PACRG: variants seen among roughly 807,000 people sequenced by gnomAD.
PACRG encodes the protein parkin coregulated.
A neutral mutation model predicts 29.7 loss-of-function variants in PACRG; 29 were observed. The observed-to-expected ratio is 0.98, with a 90% confidence interval of 0.73 to 1.33. PACRG has a LOEUF of 1.33. PACRG is among the 40% of genes most tolerant of loss of function. The pLI, the probability that PACRG is intolerant of heterozygous loss-of-function variation, is 0.00. For missense variants in PACRG, 279 were observed against 316.2 expected (o/e 0.88, Z 0.89); for synonymous variants, 116 against 118.7 (o/e 0.98, Z 0.15).
At chr6:163,001,933 A>G (rs1804628722) in intron 2 of PACRG, among the ~76,000 whole-genome samples, 1 of 152,238 alleles carries the variant, frequency 6.6e-6, no homozygotes, top group Non-Finnish European at 1.5e-5. Context: ...CCCATCTAAT[A>G]TAATTACCCT....
chr6:162,970,570 A>C (rs1440930708), intron 2 of PACRG, among the ~76,000 whole-genome samples: 4 of 152,204 alleles, frequency 2.6e-5, no homozygotes, highest in African/African-American at 9.6e-5. Context: ...TCCTCACCCA[A>C]GAATAATCGT....
intron 2 of PACRG, among the ~76,000 whole-genome samples, chr6:162,910,459 A>G (rs910859461): frequency 3.9e-5 from 6 of 152,210 alleles, no homozygotes; most frequent in Admixed American, 3.9e-4. Context: ...AGATATTGCT[A>G]TAATTGTGCT....
intron 4 of PACRG, among the ~76,000 whole-genome samples, chr6:163,172,427 C>T (rs1295456116): frequency 6.6e-6 from 1 of 152,164 alleles, no homozygotes; most frequent in African/African-American, 2.4e-5. Context: ...CAGAAAGTTG[C>T]CCCAGAGAAA....
chr6:163,232,599 A>G (rs1484561031), intron 4 of PACRG, among the ~76,000 whole-genome samples: 1 of 152,184 alleles, frequency 6.6e-6, no homozygotes, highest in Non-Finnish European at 1.5e-5. Context: ...GGCCTTGTTC[A>G]TGGCAAAACA....
chr6:163,017,407 G>A (rs761226661), intron 2 of PACRG, among the ~76,000 whole-genome samples: 3 of 152,128 alleles, frequency 2.0e-5, no homozygotes, highest in Admixed American at 1.3e-4. Flanking sequence ...ATAGGTCATC[G>A]TGAAGTACCC....
chr6:163,107,406 A>T (rs1207151853), intron 4 of PACRG, among the ~76,000 whole-genome samples: 2 of 152,204 alleles, frequency 1.3e-5, no homozygotes, highest in Admixed American at 6.5e-5. Context: ...AATTTTTCAG[A>T]CTGAGATGGC....
intron 2 of PACRG, among the ~76,000 whole-genome samples, chr6:162,948,666 G>A (rs1009807420): frequency 7.9e-5 from 12 of 152,086 alleles, no homozygotes; most frequent in African/African-American, 1.9e-4. Context: ...TTTAGAACAT[G>A]CAAGAAACTC....
chr6:162,727,314 A>ACGGTG, upstream of PACRG: 1 of 352,164 alleles, frequency 2.8e-6, no homozygotes. Flanking sequence ...CGGCGGGGCG[A>ACGGTG]AGGTGAGGGG....
chr6:162,951,917 C>A (rs145731419), intron 2 of PACRG, among the ~76,000 whole-genome samples: 89 of 152,216 alleles, frequency 5.8e-4, no homozygotes, highest in African/African-American at 2.0e-3. Flanking sequence ...TGGTCTTAAC[C>A]CATCAGCTTT....
chr6:162,736,997 C>T (rs1321035485), intron 1 of PACRG, among the ~76,000 whole-genome samples: 2 of 152,072 alleles, frequency 1.3e-5, no homozygotes, highest in Non-Finnish European at 2.9e-5. Context: ...AAATTAGTAT[C>T]TTTCTATAAA....
chr6:162,774,855 G>A (rs759713992), intron 1 of PACRG, among the ~76,000 whole-genome samples: 9 of 151,894 alleles, frequency 5.9e-5, no homozygotes, highest in Non-Finnish European at 1.3e-4. Context: ...AATTCTATAT[G>A]ACCATCTGCC....
rs1017552701 is a variant in PACRG at position 163,016,773 on chromosome 6, T to C, written c.292-45377T>C. On this transcript the variant is annotated intron_variant, in intron 2 of 4. Transcript: ENST00000366888. ...TCTACAGTAGTTATTCAGTTTGATT[T>C]CAACAAATGTAAAATTAGGAGTCCA... Among the ~76,000 whole-genome samples the C allele has an allele frequency of 2.0e-5, 3 of 152,196 alleles. No homozygotes were observed. In the East Asian group the frequency reaches 5.8e-4, roughly 29 times the overall value.
intron 4 of PACRG, among the ~76,000 whole-genome samples, chr6:163,237,726 T>TTTATAACCTA (rs1386721687): frequency 1.3e-5 from 2 of 152,200 alleles, no homozygotes; most frequent in Non-Finnish European, 2.9e-5. Context: ...AATTAATCAC[T>TTTATAACCTA]TTATAACCTA....
intron 4 of PACRG, among the ~76,000 whole-genome samples, chr6:163,242,586 G>A (rs796536634): frequency 2.4e-4 from 36 of 152,324 alleles, no homozygotes; most frequent in African/African-American, 8.4e-4. Context: ...AGGGTGATGG[G>A]ATAATATCAA....
intron 1 of PACRG, among the ~76,000 whole-genome samples, chr6:162,804,147 A>T (rs993775575): frequency 6.6e-6 from 1 of 152,204 alleles, no homozygotes; most frequent in Non-Finnish European, 1.5e-5. Flanking sequence ...TTAAAGGGAA[A>T]AGCACAAAGT....
At chr6:162,982,550 C>A (rs1209366669) in intron 2 of PACRG, among the ~76,000 whole-genome samples, 1 of 151,948 alleles carries the variant, frequency 6.6e-6, no homozygotes, top group Non-Finnish European at 1.5e-5. Context: ...ATCTTGATTT[C>A]ATTGTTGACC....
intron 2 of PACRG, among the ~76,000 whole-genome samples, chr6:163,049,188 A>G (rs200291948): frequency 2.0e-5 from 3 of 152,238 alleles, no homozygotes; most frequent in East Asian, 3.9e-4. Flanking sequence ...CAGGCCAGTG[A>G]AACAGAATAG....
intron 2 of PACRG, among the ~76,000 whole-genome samples, chr6:162,822,028 T>A (rs1787888182): frequency 6.6e-6 from 1 of 152,214 alleles, no homozygotes; most frequent in Admixed American, 6.5e-5. Flanking sequence ...TCTACATGTA[T>A]GTATGTTTTT....
intron 4 of PACRG, among the ~76,000 whole-genome samples, chr6:163,122,070 T>C (rs1816304250): frequency 6.6e-6 from 1 of 152,192 alleles, no homozygotes; most frequent in Non-Finnish European, 1.5e-5. Context: ...CATTTTCTAC[T>C]AATGGTGATT....
Sources: allele counts gnomAD v4.1 joint callset (sites outside exome capture counted in the v4.1 genomes callset), GRCh38; gene constraint gnomAD v4.1.1; transcripts MANE v1.5; gene names NCBI Gene and HGNC (gene_info 2026-07-23, HGNC 2026-07-21).